The following IGF1R variants were observed in gnomAD, a reference collection of about 807,000 sequenced individuals.
IGF1R encodes the protein insulin-like growth factor 1 receptor.
IGF1R carries 44 observed loss-of-function variants against 144.6 expected under a neutral mutation model. That is an observed-to-expected ratio of 0.30 (90% CI 0.24 to 0.39). IGF1R has a LOEUF of 0.39. Ranked by LOEUF, IGF1R falls within the 10% of genes least tolerant of loss-of-function variation. The pLI is 1.00. For synonymous variants in IGF1R, 795 were observed against 722.8 expected, an observed-to-expected ratio of 1.10 and a Z score of -1.60; for missense variants, 1,355 against 1,833.7, an observed-to-expected ratio of 0.74 and a Z score of 4.77.
At chr15:98,710,485 C>T (rs1356732897) in intron 2 of IGF1R, among the ~76,000 whole-genome samples, 4 of 151,846 alleles carry the variant, frequency 2.6e-5, no homozygotes, top group Non-Finnish European at 5.9e-5. Flanking sequence ...GTGGCTTGTC[C>T]GAATTGGGAC....
chr15:98,750,150 T>C (rs1450920790), intron 2 of IGF1R, among the ~76,000 whole-genome samples: 1 of 152,208 alleles, frequency 6.6e-6, no homozygotes, highest in East Asian at 1.9e-4. Context: ...CCTCAGTATA[T>C]AGAGCATCTG....
chr15:98,651,784 C>T (rs1196760873), intron 1 of IGF1R, among the ~76,000 whole-genome samples: 1 of 152,134 alleles, frequency 6.6e-6, no homozygotes, highest in East Asian at 1.9e-4. Flanking sequence ...GTGGTTAGTT[C>T]CTGGAAACCT....
At chr15:98,783,814 G>A (rs2055915571) in intron 2 of IGF1R, among the ~76,000 whole-genome samples, 1 of 152,134 alleles carries the variant, frequency 6.6e-6, no homozygotes, top group South Asian at 2.1e-4. Flanking sequence ...TACCGATGCT[G>A]TTGCTAGAAA....
At chr15:98,950,976 T>C (rs374403129) in intron 20 of IGF1R, among the ~76,000 whole-genome samples, 87 of 152,304 alleles carry the variant, frequency 5.7e-4, no homozygotes, top group African/African-American at 2.0e-3. Flanking sequence ...GCGGAGGGCA[T>C]GGGGTGGGGA....
chr15:98,684,154 C>T (rs1403168687), intron 1 of IGF1R, among the ~76,000 whole-genome samples: 1 of 152,154 alleles, frequency 6.6e-6, no homozygotes, highest in African/African-American at 2.4e-5. Flanking sequence ...AAATGATCTC[C>T]TAGTGAGACA....
chr15:98,946,893 C>G (rs912480370), intron 19 of IGF1R, among the ~76,000 whole-genome samples: 1 of 152,226 alleles, frequency 6.6e-6, no homozygotes, highest in African/African-American at 2.4e-5. Context: ...TTTCCCAGAC[C>G]AGCCTGCAGT....
chr15:98,655,157 T>C (rs2052455124), intron 1 of IGF1R, among the ~76,000 whole-genome samples: 1 of 151,666 alleles, frequency 6.6e-6, no homozygotes, highest in South Asian at 2.1e-4. Context: ...AAGGAACATA[T>C]ATTTGGAATA....
At chr15:98,813,056 G>A (rs1288722707) in intron 2 of IGF1R, among the ~76,000 whole-genome samples, 1 of 152,216 alleles carries the variant, frequency 6.6e-6, no homozygotes, top group South Asian at 2.1e-4. Flanking sequence ...GCTGGGGCGA[G>A]GCTTACTTCC....
chr15:98,650,874 G>A (rs1295767935), intron 1 of IGF1R: 8 of 980,974 alleles, frequency 8.2e-6, no homozygotes, highest in Non-Finnish European at 9.7e-6. Flanking sequence ...TGTTTTGGTG[G>A]TGTCGGGTGG....
chr15:98,922,179 G>T lies in IGF1R; in HGVS notation c.2233G>T (p.Val745Leu). 1 of 1,614,204 alleles carries T rather than the reference G, an allele frequency of 6.2e-7. No homozygotes were observed. Among genetic ancestry groups the T allele is most frequent in the Non-Finnish European group, 8.5e-7 (1 of 1,180,036 alleles). Residue 745 changes from valine to leucine, a missense_variant, in exon 11 of 21, where the codon GTG becomes TTG. Physicochemically the swap from Val to Leu is conservative, Grantham distance 32. Around this residue, in one of 7 missense-constraint regions of IGF1R, gnomAD observed 880 missense variants for 1,202.7 expected, o/e 0.73. Transcript: ENST00000650285. ...AAGGAAGCGGAGAGATGTCATGCAA[G>T]TGGCCAACACCACCATGTCCAGCCG... Reference protein sequence around the residue: ...PERKRRDVMQVANTTMSSRSR... With the variant: ...PERKRRDVMQLANTTMSSRSR...
chr15:98,904,913 A>C (rs938216137), intron 5 of IGF1R, among the ~76,000 whole-genome samples: 2 of 152,188 alleles, frequency 1.3e-5, no homozygotes, highest in East Asian at 3.8e-4. Flanking sequence ...GTCATCCTGC[A>C]CTTTTGTGGG....
At chr15:98,824,005 G>T (rs2056847185) in intron 2 of IGF1R, among the ~76,000 whole-genome samples, 1 of 152,172 alleles carries the variant, frequency 6.6e-6, no homozygotes, top group Admixed American at 6.5e-5. Context: ...GAATGATGTG[G>T]TTCAAACAAA....
intron 2 of IGF1R, among the ~76,000 whole-genome samples, chr15:98,823,111 GA>G: frequency 6.6e-6 from 1 of 152,280 alleles, no homozygotes; most frequent in South Asian, 2.1e-4. Context: ...GGTGTTGATT[GA>G]AACCTTTATT....
At chr15:98,774,030 A>C (rs934611730) in intron 2 of IGF1R, among the ~76,000 whole-genome samples, 2 of 152,164 alleles carry the variant, frequency 1.3e-5, no homozygotes, top group Non-Finnish European at 2.9e-5. Context: ...AATTATTTTT[A>C]TCTCTTTGGG....
chr15:98,840,098 A>C (rs949205298), intron 2 of IGF1R, among the ~76,000 whole-genome samples: 1 of 152,130 alleles, frequency 6.6e-6, no homozygotes, highest in Non-Finnish European at 1.5e-5. Context: ...CCCTTGTTTT[A>C]ATTGCACATT....
chr15:98,884,127 T>TG (rs1034423505), intron 2 of IGF1R, among the ~76,000 whole-genome samples: 2 of 152,120 alleles, frequency 1.3e-5, no homozygotes, highest in Non-Finnish European at 2.9e-5. Context: ...AACACTCCAC[T>TG]GGGGGGCTGC....
At chr15:98,833,114 C>A (rs1348117751) in intron 2 of IGF1R, among the ~76,000 whole-genome samples, 3 of 152,180 alleles carry the variant, frequency 2.0e-5, no homozygotes, top group African/African-American at 7.2e-5. Flanking sequence ...TCCCCTGGTA[C>A]CCTCTCCTGA....
rs369520831 is a variant in IGF1R, at chr15:98,700,149, G to A, written c.95-7413G>A. On this transcript the variant is annotated intron_variant, in intron 1 of 20. Coordinates refer to ENST00000650285, the MANE Select transcript of IGF1R (RefSeq NM_000875.5). ...TTTCTGATCTCTGATTTTTCAATTA[G>A]GAATGAGGCCTAAAGAAACCCATGC... Among the ~76,000 whole-genome samples, 8 of 152,162 alleles carry A rather than the reference G, an allele frequency of 5.3e-5. No individual in the cohort carries two copies. In the South Asian group the frequency reaches 6.2e-4, roughly 12 times the overall value.
At position 98,896,835 on chromosome 15, in the gene IGF1R, T is replaced by C. The variant is rs2151652496; in HGVS notation, c.1032T>C (p.Val344=). ...AGAAAACAAAGACCATTGATTCTGT[T>C]ACTTCTGCTCAGATGCTCCAAGGAT... ...EEKKTKTIDS[V]TSAQMLQGCT... Residue 344 remains valine (V), a synonymous_variant, in exon 4 of 21, where the codon GTT becomes GTC. Coordinates refer to ENST00000650285, the MANE Select transcript of IGF1R (RefSeq NM_000875.5). The C allele has an allele frequency of 6.2e-7, 1 of 1,614,156 alleles. No homozygotes were observed. Among genetic ancestry groups the C allele is most frequent in the Non-Finnish European group, 8.5e-7 (1 of 1,179,992 alleles).
Sources: allele counts gnomAD v4.1 joint callset (sites outside exome capture counted in the v4.1 genomes callset), GRCh38; gene constraint gnomAD v4.1.1; regional missense constraint gnomAD v4.1.1; transcripts MANE v1.5; gene names NCBI Gene and HGNC (gene_info 2026-07-23, HGNC 2026-07-21).